The following TMEM242 variants were observed in gnomAD, a reference collection of about 807,000 sequenced individuals.
TMEM242 encodes transmembrane protein 242.
A neutral mutation model predicts 18.2 loss-of-function variants in TMEM242; 10 were observed. The observed-to-expected ratio is 0.55, with a 90% CI of 0.34 to 0.93. The LOEUF is 0.93. Ranked by LOEUF, TMEM242 falls within the 40% of genes least tolerant of loss-of-function variation. The probability of loss-of-function intolerance (pLI) is 0.02; values close to 1 mark genes in which losing one functional copy is unlikely to be tolerated. For missense variants in TMEM242, 186 were observed against 175.5 expected (o/e 1.06, Z -0.34); for synonymous variants, 57 against 69.9 (o/e 0.81, Z 0.92).
intron 3 of TMEM242, among the ~76,000 whole-genome samples, chr6:157,312,744 ACCTGGCCTCATCTTACTGTCACAGTG>A (rs1778214382): frequency 1.0e-5 from 1 of 95,772 alleles, no homozygotes; most frequent in Non-Finnish European, 2.2e-5. Flanking sequence ...GTGTGCGCTC[ACCTGGCCTCATCTTACTGTCACAGTG>A]TGCGCTCACC....
chr6:157,312,347 G>GCCT, intron 3 of TMEM242, among the ~76,000 whole-genome samples: 1 of 128,350 alleles, frequency 7.8e-6, no homozygotes, highest in Non-Finnish European at 1.7e-5. Context: ...CAATCACCTA[G>GCCT]CCTCATCATG....
chr6:157,299,521 A>G, intron 3 of TMEM242: 1 of 1,468,200 alleles, frequency 6.8e-7, no homozygotes, highest in Non-Finnish European at 9.5e-7. Context: ...TATCCAGATT[A>G]CAGCCGCTTC....
chr6:157,320,605 G>T (rs782206216), intron 2 of TMEM242, among the ~76,000 whole-genome samples: 3 of 152,042 alleles, frequency 2.0e-5, no homozygotes, highest in Non-Finnish European at 4.4e-5. Context: ...CAAGTAGCTG[G>T]GATTACAGGT....
chr6:157,323,109 G>A (rs587622243), intron 1 of TMEM242, among the ~76,000 whole-genome samples: 1 of 152,240 alleles, frequency 6.6e-6, no homozygotes, highest in East Asian at 1.9e-4. Context: ...CTCACGGGGA[G>A]GAGAAGAGAC....
intron 2 of TMEM242, among the ~76,000 whole-genome samples, chr6:157,320,998 C>CTTTTTTTTTTTTTCTTTTTT (rs1778487260): frequency 7.4e-6 from 1 of 135,594 alleles, no homozygotes; most frequent in Non-Finnish European, 1.6e-5. Flanking sequence ...TTTCCCATTT[C>CTTTTTTTTTTTTTCTTTTTT]TTTTTTTTTT....
intron 3 of TMEM242, among the ~76,000 whole-genome samples, chr6:157,303,601 A>C (rs1426776841): frequency 6.6e-6 from 1 of 152,236 alleles, no homozygotes; most frequent in Non-Finnish European, 1.5e-5. Flanking sequence ...GTTCTTTGGA[A>C]AGCTTTAAAA....
chr6:157,296,800 C>A (rs904529150), intron 3 of TMEM242, among the ~76,000 whole-genome samples: 1 of 152,188 alleles, frequency 6.6e-6, no homozygotes, highest in Non-Finnish European at 1.5e-5. Flanking sequence ...CCACCATCCT[C>A]ATTTCTAAGT....
rs1013897508 is a variant in TMEM242 at position 157,305,602 on chromosome 6, G to A, written c.328-12603C>T. On this transcript the variant is annotated intron_variant, in intron 3 of 3. Transcript: ENST00000400788. This position sits in a 1 kb window ranked among gnomAD's most constrained non-coding sequence, Gnocchi z 4.1. ...GGACTGGACGAAAGAGCCAAGGGGCGGAGGATAGATGGAGGACAGAAGAGT... is the reference window on the plus strand; with the variant it reads ...GGACTGGACGAAAGAGCCAAGGGGCAGAGGATAGATGGAGGACAGAAGAGT... Among the ~76,000 whole-genome samples the A allele has an allele frequency of 3.9e-5, 6 of 152,316 alleles. No individual in the cohort carries two copies. The highest frequency in any genetic ancestry group is 1.3e-4 in the Admixed American group (2 of 15,298).
At chr6:157,314,150 G>T (rs1583573935) in intron 3 of TMEM242, among the ~76,000 whole-genome samples, 1 of 150,626 alleles carries the variant, frequency 6.6e-6, no homozygotes. Context: ...CCTCATCATA[G>T]TGTCCCTGTG....
chr6:157,313,051 C>T (rs1554249586), intron 3 of TMEM242, among the ~76,000 whole-genome samples: 2 of 147,100 alleles, frequency 1.4e-5, no homozygotes, highest in African/African-American at 2.5e-5. Flanking sequence ...TGTGCACTCA[C>T]CTGGCCTCAT....
intron 3 of TMEM242, among the ~76,000 whole-genome samples, chr6:157,313,302 T>C (rs1554249688): frequency 6.6e-6 from 1 of 152,054 alleles, no homozygotes; most frequent in African/African-American, 2.4e-5. Flanking sequence ...GGCATCATCA[T>C]AGTGTCCCAG....
In TMEM242 at chr6:157,305,368, G is replaced by A. The variant is rs782635990; in HGVS notation, c.328-12369C>T. On this transcript the variant is annotated intron_variant, in intron 3 of 3. Transcript: ENST00000400788. The surrounding 1 kb of genome is among the most constrained non-coding windows in gnomAD (Gnocchi z 4.1). ...AGGATGAGATGACGGTGGCATTTAC[G>A]GAATGGGGAAGACCAAGGGAGGAGC... Among the ~76,000 whole-genome samples the A allele has an allele frequency of 2.0e-5, 3 of 152,222 alleles. No individual in the cohort carries two copies. The South Asian group carries it at 6.2e-4, about 32-fold the overall frequency.
At chr6:157,297,227 A>T (rs9365504) in intron 3 of TMEM242, among the ~76,000 whole-genome samples, 1 of 152,060 alleles carries the variant, frequency 6.6e-6, no homozygotes, top group African/African-American at 2.4e-5. Context: ...GGTAAGAGCA[A>T]ATCTGACTGC....
intron 3 of TMEM242, among the ~76,000 whole-genome samples, chr6:157,317,034 C>T (rs1404869774): frequency 6.6e-6 from 1 of 152,162 alleles, no homozygotes; most frequent in Non-Finnish European, 1.5e-5. Flanking sequence ...TGAGGTTGTT[C>T]CTGCAACCCT....
At chr6:157,308,652 C>CGG in intron 3 of TMEM242, among the ~76,000 whole-genome samples, 1 of 151,556 alleles carries the variant, frequency 6.6e-6, no homozygotes, top group South Asian at 2.1e-4. Context: ...GGAGGCAAGA[C>CGG]GGGGCCCTGG....
At chr6:157,310,546 G>C (rs797038394) in intron 3 of TMEM242, among the ~76,000 whole-genome samples, 2 of 2,822 alleles carry the variant, frequency 7.1e-4, no homozygotes, top group African/African-American at 1.5e-3. Context: ...CCCAGTGTGC[G>C]CTCACCTAGC....
chr6:157,317,369 T>C (rs1778410200), intron 3 of TMEM242, among the ~76,000 whole-genome samples: 1 of 152,130 alleles, frequency 6.6e-6, no homozygotes, highest in Admixed American at 6.6e-5. Flanking sequence ...ACACAGTCAG[T>C]CACTTCTCCT....
chr6:157,317,877 G>A (rs1778432914), intron 3 of TMEM242, among the ~76,000 whole-genome samples: 1 of 152,094 alleles, frequency 6.6e-6, no homozygotes, highest in Admixed American at 6.5e-5. Flanking sequence ...ATCGACATCT[G>A]TTTTCATCAA....
In TMEM242 at chr6:157,318,796, A is replaced by G; in HGVS notation, c.313T>C (p.Leu105=). ...GVISFAVWKA[L]GVHSMNDFRS... is the part of the protein sequence containing the mutation. Reference sequence around the variant, plus strand: ...TAGTTACTTACACTGTGAACTCCTAAAGCTTTCCAGACTGCGAAGCTAATC... The same window carrying G: ...TAGTTACTTACACTGTGAACTCCTAGAGCTTTCCAGACTGCGAAGCTAATC... The change falls in exon 3 of 4, where the codon TTA becomes CTA. Residue 105 remains leucine (L), a synonymous_variant. Coordinates refer to ENST00000400788, the MANE Select transcript of TMEM242 (RefSeq NM_018452.6). The G allele has an allele frequency of 6.2e-7, 1 of 1,614,060 alleles. No individual in the cohort carries two copies. The highest frequency in any genetic ancestry group is 8.5e-7 in the Non-Finnish European group (1 of 1,180,002).
Sources: gnomAD v4.1 joint callset for allele counts (sites outside exome capture counted in the v4.1 genomes callset) on GRCh38, gnomAD v4.1.1 for gene constraint, Gnocchi (gnomAD v3.1) non-coding constraint, MANE v1.5 for transcripts, NCBI Gene and HGNC (gene_info 2026-07-23, HGNC 2026-07-21) for gene names.